The following SGCZ variants were observed in gnomAD, a reference collection of about 807,000 sequenced individuals.
SGCZ encodes zeta-sarcoglycan.
Under a neutral mutation model 41.3 loss-of-function variants are expected in SGCZ, and 40 were observed. The observed-to-expected ratio is 0.97, with a 90% CI of 0.75 to 1.26. The LOEUF (loss-of-function observed/expected upper bound fraction) is 1.26. Ranked by LOEUF, SGCZ falls within the 50% of genes most tolerant of loss-of-function variation. The pLI is 0.00. For synonymous variants in SGCZ, 206 were observed against 137.5 expected (o/e 1.50, Z -3.49); for missense variants, 552 against 369.8 (o/e 1.49, Z -4.04).
intron 2 of SGCZ, among the ~76,000 whole-genome samples, chr8:14,395,644 G>C (rs1468680697): frequency 2.0e-5 from 3 of 152,116 alleles, no homozygotes; most frequent in African/African-American, 7.2e-5. Context: ...CCCACAAAAA[G>C]TTACCCTGGG....
At chr8:15,068,626 TACACATA>T (rs1370167317) in intron 1 of SGCZ, among the ~76,000 whole-genome samples, 1 of 152,216 alleles carries the variant, frequency 6.6e-6, no homozygotes, top group Non-Finnish European at 1.5e-5. Context: ...AAACTTTCCT[TACACATA>T]ACACATCCTT....
At chr8:14,262,949 A>G (rs1383786298) in intron 3 of SGCZ, among the ~76,000 whole-genome samples, 3 of 152,078 alleles carry the variant, frequency 2.0e-5, no homozygotes, top group Admixed American at 6.5e-5. Flanking sequence ...GAAATCCCTT[A>G]TTACCTTGAT....
chr8:14,795,483 C>G (rs1399378493), intron 1 of SGCZ, among the ~76,000 whole-genome samples: 2 of 151,912 alleles, frequency 1.3e-5, no homozygotes, highest in Admixed American at 6.6e-5. Flanking sequence ...CTTGCTGTCA[C>G]CCATGCTGGA....
At chr8:15,224,777 G>C (rs1209295372) in intron 1 of SGCZ, among the ~76,000 whole-genome samples, 1 of 152,124 alleles carries the variant, frequency 6.6e-6, no homozygotes, top group African/African-American at 2.4e-5. Context: ...GCTGGATAAT[G>C]CTATAGTGAT....
intron 1 of SGCZ, among the ~76,000 whole-genome samples, chr8:14,601,997 G>A (rs890237142): frequency 1.3e-5 from 2 of 152,056 alleles, no homozygotes; most frequent in African/African-American, 2.4e-5. Context: ...GCGGGCGCCT[G>A]TAGTCCCAGC....
At chr8:14,883,578 A>G (rs1218838273) in intron 1 of SGCZ, among the ~76,000 whole-genome samples, 1 of 151,922 alleles carries the variant, frequency 6.6e-6, no homozygotes, top group Non-Finnish European at 1.5e-5. Context: ...GATGTTTCAC[A>G]CTTCATATTT....
chr8:14,237,540 C>A, intron 4 of SGCZ, 52 bp downstream of exon 4: 3 of 1,524,324 alleles, frequency 2.0e-6, no homozygotes, highest in Non-Finnish European at 2.7e-6. Context: ...CCAAAAACAA[C>A]AACAAAAAAA....
intron 1 of SGCZ, among the ~76,000 whole-genome samples, chr8:15,116,275 A>G (rs1040794324): frequency 1.3e-5 from 2 of 152,208 alleles, no homozygotes; most frequent in Non-Finnish European, 2.9e-5. Context: ...TTTTAGCAGT[A>G]TTTGGCTATA....
intron 1 of SGCZ, among the ~76,000 whole-genome samples, chr8:15,030,138 G>C (rs376213289): frequency 2.0e-5 from 3 of 152,226 alleles, no homozygotes; most frequent in South Asian, 4.1e-4. Context: ...TTGTGTACAA[G>C]ATGGGAAAGC....
chr8:14,157,020 T>C (rs1205221385), intron 5 of SGCZ, among the ~76,000 whole-genome samples: 3 of 152,180 alleles, frequency 2.0e-5, no homozygotes, highest in Non-Finnish European at 2.9e-5. Flanking sequence ...TAACAGTATT[T>C]ACTGTGATCA....
At chr8:14,532,009 T>C (rs1435994737) in intron 2 of SGCZ, among the ~76,000 whole-genome samples, 1 of 152,086 alleles carries the variant, frequency 6.6e-6, no homozygotes, top group African/African-American at 2.4e-5. Flanking sequence ...AATGTAAAAG[T>C]AGTTGATTTA....
At chr8:15,005,638 C>A (rs1330751686) in intron 1 of SGCZ, among the ~76,000 whole-genome samples, 1 of 89,814 alleles carries the variant, frequency 1.1e-5, no homozygotes, top group Non-Finnish European at 2.7e-5. Flanking sequence ...GGCAATCCCC[C>A]ATTTTTTTTC....
At position 14,731,771 on chromosome 8, in the gene SGCZ, C is replaced by CA. The variant is rs368758818; in HGVS notation, c.40-176846dup. On this transcript the variant is annotated intron_variant, in intron 1 of 7. Transcript: ENST00000382080. ...CAATCTGTTATTAAATTCTACTTCCCACCAAATCTCTAAGACCATTTCTTT... is the reference window on the plus strand; with the variant it reads ...CAATCTGTTATTAAATTCTACTTCCCAACCAAATCTCTAAGACCATTTCTTT... Among the ~76,000 whole-genome samples the CA allele has an allele frequency of 5.1e-3, 777 of 152,094 alleles. 3 individuals carry two copies. Among genetic ancestry groups the CA allele is most frequent in the East Asian group, 0.021 (106 of 5,162 alleles).
intron 3 of SGCZ, among the ~76,000 whole-genome samples, chr8:14,285,529 T>C (rs1381063972): frequency 6.6e-6 from 1 of 152,114 alleles, no homozygotes; most frequent in Non-Finnish European, 1.5e-5. Context: ...AATGTATGTA[T>C]TCACAGTATT....
chr8:15,209,543 A>T (rs1801175121), intron 1 of SGCZ, among the ~76,000 whole-genome samples: 1 of 151,842 alleles, frequency 6.6e-6, no homozygotes, highest in Non-Finnish European at 1.5e-5. Flanking sequence ...GTATAAAAAG[A>T]ATGAAAGAGA....
At chr8:14,569,732 G>C (rs942499830) in intron 1 of SGCZ, among the ~76,000 whole-genome samples, 1 of 152,140 alleles carries the variant, frequency 6.6e-6, no homozygotes, top group Non-Finnish European at 1.5e-5. Flanking sequence ...GCAGCCTGTC[G>C]AGGCCTCTTT....
At chr8:14,266,565 A>C (rs1799873537) in intron 3 of SGCZ, among the ~76,000 whole-genome samples, 2 of 152,102 alleles carry the variant, frequency 1.3e-5, no homozygotes, top group Admixed American at 1.3e-4. Flanking sequence ...AAAGGGACAA[A>C]ATAGGGAACT....
At chr8:14,632,705 G>A (rs1024429024) in intron 1 of SGCZ, among the ~76,000 whole-genome samples, 32 of 152,082 alleles carry the variant, frequency 2.1e-4, no homozygotes, top group African/African-American at 7.5e-4. Flanking sequence ...CTGAAATCAG[G>A]AGATTAGTCC....
At position 14,901,323 on chromosome 8, in the gene SGCZ, C is replaced by T. The variant is rs533820978; in HGVS notation, c.39+336262G>A. On this transcript the variant is annotated intron_variant, in intron 1 of 7. Coordinates refer to ENST00000382080, the MANE Select transcript of SGCZ (RefSeq NM_139167.4). ...TTGAAGGAACAGAAAGGCATCTGTC[C>T]ATTATGCATGGGAGTAGCTCCCAAA... Among the ~76,000 whole-genome samples, 3 of 152,256 alleles carry T rather than the reference C, an allele frequency of 2.0e-5. No homozygotes were observed. The East Asian group carries it at 5.8e-4, about 29-fold the overall frequency.
Sources: allele counts gnomAD v4.1 joint callset (sites outside exome capture counted in the v4.1 genomes callset), GRCh38; gene constraint gnomAD v4.1.1; transcripts MANE v1.5; gene names NCBI Gene and HGNC (gene_info 2026-07-23, HGNC 2026-07-21).